Variants in ECM2 observed in about 807,000 individuals in gnomAD.
ECM2 encodes the protein extracellular matrix protein 2.
In ECM2, 57 loss-of-function variants were observed where a neutral mutation model predicts 67.5. The observed-to-expected ratio is 0.84, with a 90% CI of 0.68 to 1.05. The LOEUF is 1.05. ECM2 is among the 50% of genes least tolerant of loss of function. ECM2 has a pLI of 0.00. For synonymous variants in ECM2, 258 were observed against 294.5 expected (o/e 0.88, Z 1.27); for missense variants, 741 against 822.8 (o/e 0.90, Z 1.22).
rs771255534 is a variant in ECM2 at position 92,514,811 on chromosome 9, G to GGTCCTCCTC, written c.865_873dup (p.Glu289_Asp291dup). The GGTCCTCCTC allele has an allele frequency of 7.4e-6, 12 of 1,613,116 alleles. No individual in the cohort carries two copies. In the South Asian group the frequency reaches 7.7e-5, roughly 10 times the overall value. On this transcript the variant is annotated inframe_insertion, in exon 4 of 10. Coordinates refer to ENST00000344604, the MANE Select transcript of ECM2 (RefSeq NM_001393.4). ...ATTCGGAACATATCTCCTCTTACCG[G>GGTCCTCCTC]GTCCTCCTCGTCCTCCTCATCCTCC...
intron 1 of ECM2, among the ~76,000 whole-genome samples, chr9:92,532,015 G>GTTTTTTTGTTT (rs1848798898): frequency 1.0e-5 from 1 of 95,736 alleles, no homozygotes; most frequent in African/African-American, 5.9e-5. Context: ...TTTATTTAAT[G>GTTTTTTTGTTT]TTTTTTTTTT....
intron 7 of ECM2, among the ~76,000 whole-genome samples, chr9:92,504,915 C>T (rs1311234627): frequency 6.6e-6 from 1 of 152,180 alleles, no homozygotes; most frequent in African/African-American, 2.4e-5. Context: ...CATCCTGCAG[C>T]AAGGAGACCA....
intron 2 of ECM2, among the ~76,000 whole-genome samples, chr9:92,521,872 T>A (rs528924425): frequency 1.1e-3 from 170 of 152,306 alleles, no homozygotes; most frequent in African/African-American, 3.8e-3. Context: ...TTGTTATAAA[T>A]GGAAAGGTAG....
At chr9:92,517,330 T>G in intron 3 of ECM2, 1 of 372,838 alleles carries the variant, frequency 2.7e-6, no homozygotes. Context: ...TTGCACTGGA[T>G]TAAGTGGGAT....
At chr9:92,546,430 C>T in the ECM2 span, among the ~76,000 whole-genome samples, 9 of 152,318 alleles carry the variant, frequency 5.9e-5, no homozygotes, top group South Asian at 8.3e-4. Flanking sequence ...TGAGCTGTAA[C>T]ACTCATGGGG....
At chr9:92,531,677 G>A (rs1055262103) in intron 1 of ECM2, among the ~76,000 whole-genome samples, 3 of 151,606 alleles carry the variant, frequency 2.0e-5, no homozygotes, top group African/African-American at 4.9e-5. Context: ...AATGTAACCC[G>A]CCCCTCAATT....
the ECM2 span, among the ~76,000 whole-genome samples, chr9:92,551,925 G>GTGTATATATA: frequency 3.5e-5 from 3 of 84,568 alleles, no homozygotes; most frequent in African/African-American, 1.6e-4. Context: ...TGGTGTGTGT[G>GTGTATATATA]TATATATATA....
rs775648997 is a variant in ECM2, at chr9:92,495,665, C to G, written c.*650G>C. The G allele has an allele frequency of 3.3e-5, 29 of 888,048 alleles. No individual in the cohort carries two copies. In the South Asian group the frequency reaches 9.9e-4, roughly 30 times the overall value. The allele number at this position is 888,048 out of a possible 1,614,324, so 55.0% of individuals were successfully genotyped here. ...TCAAAAAGAGTATAGAATTTATGCACACCCTTCTGCCAGCTTTCCTTAATG... is the reference window on the plus strand; with the variant it reads ...TCAAAAAGAGTATAGAATTTATGCAGACCCTTCTGCCAGCTTTCCTTAATG... On this transcript the variant is annotated 3_prime_UTR_variant, in exon 10 of 10. Coordinates refer to ENST00000344604, the MANE Select transcript of ECM2 (RefSeq NM_001393.4).
intron 3 of ECM2, chr9:92,517,457 C>A (rs1488619299): frequency 1.6e-5 from 10 of 616,304 alleles, no homozygotes; most frequent in Non-Finnish European, 2.2e-5. Context: ...TAATCTCATC[C>A]AAGTTTACTG....
At chr9:92,515,245 G>T (rs1847629675) in intron 3 of ECM2, 42 bp from the exon 4 acceptor site, 1 of 1,431,268 alleles carries the variant, frequency 7.0e-7, no homozygotes. Context: ...ATAAGTTGAT[G>T]ATATTAATAA....
chr9:92,546,594 G>T, the ECM2 span, among the ~76,000 whole-genome samples: 1 of 151,978 alleles, frequency 6.6e-6, no homozygotes, highest in Non-Finnish European at 1.5e-5. Context: ...CCCACCAGAA[G>T]GAAAAAACTC....
At chr9:92,500,646 C>T in intron 9 of ECM2, 81 bp downstream of exon 9, 1 of 1,403,482 alleles carries the variant, frequency 7.1e-7, no homozygotes. Flanking sequence ...AACGTAAATC[C>T]CAGAGATCAT....
the ECM2 span, among the ~76,000 whole-genome samples, chr9:92,555,085 A>G: frequency 2.6e-5 from 4 of 151,924 alleles, no homozygotes; most frequent in Non-Finnish European, 2.9e-5. Flanking sequence ...GCTTCATAGA[A>G]TGAGTTAGGG....
intron 7 of ECM2, among the ~76,000 whole-genome samples, chr9:92,503,953 G>A (rs540017289): frequency 2.6e-5 from 4 of 152,314 alleles, no homozygotes; most frequent in East Asian, 1.9e-4. Flanking sequence ...AGAAGGATTT[G>A]TAGTATGTGC....
intron 1 of ECM2, among the ~76,000 whole-genome samples, chr9:92,530,154 G>T (rs1848656501): frequency 6.6e-6 from 1 of 152,082 alleles, no homozygotes; most frequent in Non-Finnish European, 1.5e-5. Context: ...GTCCTTGAGG[G>T]ATCCTGGAAC....
chr9:92,497,971 C>T (rs1846452259), intron 9 of ECM2, among the ~76,000 whole-genome samples: 1 of 151,988 alleles, frequency 6.6e-6, no homozygotes, highest in Admixed American at 6.6e-5. Flanking sequence ...CCCCTTCCAC[C>T]ATGAGTGGAA....
chr9:92,539,348 C>T (rs1849263767), upstream of ECM2, among the ~76,000 whole-genome samples: 1 of 141,614 alleles, frequency 7.1e-6, no homozygotes, highest in South Asian at 2.6e-4. Context: ...CCCCCGCTCC[C>T]CCACCCCCCA....
In ECM2 at chr9:92,500,987, G is replaced by A. The variant is rs1474414228; in HGVS notation, c.1671C>T (p.Ser557=). 6.2e-7 allele frequency: 1 copy of A among 1,614,198 alleles called. No individual in the cohort carries two copies. Among genetic ancestry groups the A allele is most frequent in the Admixed American group, 1.7e-5 (1 of 60,018 alleles). Reference sequence around the variant, plus strand: ...TCCCAAGGAGTACTAGGTGCAGCAAGGACTTGGGTAGATAGGACGGGACGT... The same window carrying A: ...TCCCAAGGAGTACTAGGTGCAGCAAAGACTTGGGTAGATAGGACGGGACGT... ...LYHVPSYLPK[S]LLHLVLLGNQ... is the part of the protein sequence containing the mutation. The change falls in exon 9 of 10, where the codon TCC becomes TCT. Residue 557 remains serine (S), a synonymous_variant. Transcript: ENST00000344604.
chr9:92,540,759 C>T (rs1452656740), upstream of ECM2, among the ~76,000 whole-genome samples: 2 of 139,014 alleles, frequency 1.4e-5, no homozygotes, highest in Non-Finnish European at 3.0e-5. Context: ...CAACAGAGCA[C>T]GACTCTGTCT....
Sources: allele counts gnomAD v4.1 joint callset (sites outside exome capture counted in the v4.1 genomes callset), GRCh38; gene constraint gnomAD v4.1.1; transcripts MANE v1.5; gene names NCBI Gene and HGNC (gene_info 2026-07-23, HGNC 2026-07-21).